Variants in SIK3 observed in about 807,000 individuals in gnomAD.
SIK3 encodes the protein serine/threonine-protein kinase SIK3.
SIK3 carries 28 observed loss-of-function variants against 144.2 expected under a neutral mutation model. The observed-to-expected ratio is 0.19, with a 90% CI of 0.14 to 0.27. The LOEUF (loss-of-function observed/expected upper bound fraction) is 0.27. Ranked by LOEUF, SIK3 falls within the 10% of genes least tolerant of loss-of-function variation. SIK3 has a pLI of 1.00. For missense variants in SIK3, 1,319 were observed against 1,776.0 expected (o/e 0.74, Z 4.62); for synonymous variants, 686 against 676.3 (o/e 1.01, Z -0.22).
chr11:116,872,207 C>T (rs1417810437), intron 13 of SIK3, among the ~76,000 whole-genome samples: 3 of 152,188 alleles, frequency 2.0e-5, no homozygotes, highest in Admixed American at 6.5e-5. Context: ...GTGATTAATA[C>T]AGTTGGGACG....
intron 1 of SIK3, among the ~76,000 whole-genome samples, chr11:117,022,806 G>GC (rs1951831197): frequency 1.3e-5 from 2 of 148,962 alleles, no homozygotes; most frequent in Non-Finnish European, 3.0e-5. Context: ...TCAGATTGTG[G>GC]AGGGCAAGGG....
At chr11:117,073,278 T>A (rs527238587) in intron 1 of SIK3, among the ~76,000 whole-genome samples, 16 of 152,208 alleles carry the variant, frequency 1.1e-4, no homozygotes, top group Non-Finnish European at 1.9e-4. Context: ...TTAGCATTCC[T>A]TCTACTCTTT....
intron 9 of SIK3, 75 bp downstream of exon 9, chr11:116,875,791 G>T: frequency 6.7e-7 from 1 of 1,490,982 alleles, no homozygotes; most frequent in African/African-American, 1.4e-5. Flanking sequence ...TCGACTTAGG[G>T]TTAGTGAGCA....
intron 7 of SIK3, 27 bp downstream of exon 7, chr11:116,876,897 C>T (rs1010131340): frequency 1.3e-5 from 20 of 1,579,248 alleles, no homozygotes; most frequent in Non-Finnish European, 1.6e-5. Flanking sequence ...TCAGAGGAGT[C>T]CCCTGCAGCA....
chr11:117,051,837 T>C (rs1287726250), intron 1 of SIK3, among the ~76,000 whole-genome samples: 1 of 151,062 alleles, frequency 6.6e-6, no homozygotes, highest in Non-Finnish European at 1.5e-5. Flanking sequence ...CCTATAGAGG[T>C]TTATTACAGA....
At chr11:116,891,864 G>C (rs1945136271) in intron 6 of SIK3, among the ~76,000 whole-genome samples, 1 of 152,180 alleles carries the variant, frequency 6.6e-6, no homozygotes, top group Non-Finnish European at 1.5e-5. Context: ...GGTCTTAGAA[G>C]TGCCTACATG....
intron 6 of SIK3, among the ~76,000 whole-genome samples, chr11:116,880,088 A>G (rs1423826374): frequency 6.6e-6 from 1 of 152,224 alleles, no homozygotes; most frequent in Non-Finnish European, 1.5e-5. Context: ...AATGGTGTTC[A>G]GTTACAGGCT....
Position 116,994,333 on chromosome 11 carries a change from G to A in SIK3, c.274-37269C>T, listed in dbSNP as rs114934096. 7.0e-3 allele frequency among the ~76,000 whole-genome samples: 1,066 copies of A among 152,256 alleles called. 12 individuals carry two copies. Among genetic ancestry groups the A allele is most frequent in the African/African-American group, 0.024 (990 of 41,538 alleles). ...GAATTAGCAAGGAAAAAAATACATCGAAGGAAAGAATGTTAATCTTCCTTT... is the reference window on the plus strand; with the variant it reads ...GAATTAGCAAGGAAAAAAATACATCAAAGGAAAGAATGTTAATCTTCCTTT... On this transcript the variant is annotated intron_variant, in intron 1 of 24. Coordinates refer to ENST00000445177, the MANE Select transcript of SIK3 (RefSeq NM_001366686.3).
intron 4 of SIK3, among the ~76,000 whole-genome samples, chr11:116,901,596 T>A (rs1481493350): frequency 2.6e-5 from 4 of 152,308 alleles, no homozygotes; most frequent in Admixed American, 2.0e-4. Context: ...GTCCCCTATC[T>A]ACTCTGTCTG....
intron 1 of SIK3, among the ~76,000 whole-genome samples, chr11:117,053,143 C>A (rs1953340628): frequency 6.6e-6 from 1 of 152,000 alleles, no homozygotes; most frequent in African/African-American, 2.4e-5. Flanking sequence ...TCAAGACCAG[C>A]CTGGCCAACA....
intron 3 of SIK3, among the ~76,000 whole-genome samples, chr11:116,943,243 G>C (rs1410261849): frequency 6.6e-6 from 1 of 152,002 alleles, no homozygotes; most frequent in Non-Finnish European, 1.5e-5. Flanking sequence ...AAGAAAAAAA[G>C]GTAATTAGCT....
intron 1 of SIK3, among the ~76,000 whole-genome samples, chr11:116,988,787 C>A (rs926629794): frequency 1.3e-5 from 2 of 151,496 alleles, no homozygotes; most frequent in East Asian, 1.9e-4. Context: ...AAGCAAGACT[C>A]TTTCTCAATA....
Position 117,022,542 on chromosome 11 carries a change from C to T in SIK3, c.274-65478G>A, listed in dbSNP as rs536061961. Among the ~76,000 whole-genome samples the T allele has an allele frequency of 4.6e-5, 7 of 152,222 alleles. No individual in the cohort carries two copies. The South Asian group carries it at 1.4e-3, about 32-fold the overall frequency. On this transcript the variant is annotated intron_variant, in intron 1 of 24. Transcript: ENST00000445177. ...ATGGGGCTTTCATAACACCACTAAGCAGAAAGGAGAGGGTCTCAGGGCAGA... is the reference window on the plus strand; with the variant it reads ...ATGGGGCTTTCATAACACCACTAAGTAGAAAGGAGAGGGTCTCAGGGCAGA...
intron 3 of SIK3, among the ~76,000 whole-genome samples, chr11:116,931,373 T>C (rs909211639): frequency 6.6e-6 from 1 of 152,226 alleles, no homozygotes; most frequent in Non-Finnish European, 1.5e-5. Flanking sequence ...CAGTCTTACC[T>C]TCCCTAGGCC....
chr11:116,898,310 T>C (rs528881101), intron 4 of SIK3, among the ~76,000 whole-genome samples: 94 of 152,334 alleles, frequency 6.2e-4, no homozygotes, highest in African/African-American at 2.2e-3. Context: ...GAACTCATCA[T>C]TTTCTATGGC....
intron 1 of SIK3, among the ~76,000 whole-genome samples, chr11:116,990,589 T>A (rs1950471348): frequency 6.6e-6 from 1 of 152,196 alleles, no homozygotes; most frequent in Non-Finnish European, 1.5e-5. Flanking sequence ...ACTCACTCGA[T>A]CACTCTTCCC....
intron 3 of SIK3, among the ~76,000 whole-genome samples, chr11:116,942,981 T>A (rs909368649): frequency 6.6e-6 from 1 of 152,146 alleles, no homozygotes; most frequent in Non-Finnish European, 1.5e-5. Context: ...ACTGCAGTGA[T>A]CTTAGCAAGA....
intron 1 of SIK3, among the ~76,000 whole-genome samples, chr11:117,083,545 T>C (rs1483722825): frequency 6.6e-6 from 1 of 152,042 alleles, no homozygotes; most frequent in Non-Finnish European, 1.5e-5. Context: ...GCCAAGAACA[T>C]ACAATCACTA....
chr11:117,020,246 T>TATATATATATATATATATACAC lies in SIK3; in HGVS notation c.274-63183_274-63182insGTGTATATATATATATATATAT. Among the ~76,000 whole-genome samples, 126 of 127,292 alleles carry TATATATATATATATATATACAC rather than the reference T, an allele frequency of 9.9e-4. 4 individuals carry two copies. Among genetic ancestry groups the TATATATATATATATATATACAC allele is most frequent in the African/African-American group, 4.2e-3 (121 of 28,816 alleles). 83.5% of individuals were successfully genotyped at this position (127,292 alleles called of 152,430 possible). A position where few individuals can be genotyped will look rare whatever the true frequency, so the allele number is the denominator to read the frequency against. On this transcript the variant is annotated intron_variant, in intron 1 of 24. Transcript: ENST00000445177. Reference sequence around the variant, plus strand: ...GTATGTGTATATGTGCATATATATATACACATACATATATCTCCATGGTTC... The same window carrying TATATATATATATATATATACAC: ...GTATGTGTATATGTGCATATATATATATATATATATATATATATACACACACATACATATATCTCCATGGTTC...
Sources: allele counts gnomAD v4.1 joint callset (sites outside exome capture counted in the v4.1 genomes callset), GRCh38; gene constraint gnomAD v4.1.1; transcripts MANE v1.5; gene names NCBI Gene and HGNC (gene_info 2026-07-23, HGNC 2026-07-21).